The following DMD variants were observed in gnomAD, a reference collection of about 807,000 sequenced individuals.
The protein encoded by DMD is mutant dystrophin.
A neutral mutation model predicts 330.1 loss-of-function variants in DMD; 63 were observed. The observed-to-expected ratio is 0.19, with a 90% CI of 0.16 to 0.24. The LOEUF (loss-of-function observed/expected upper bound fraction) is 0.24, where lower values mean the gene tolerates loss of function less well. Ranked by LOEUF, DMD falls within the 10% of genes least tolerant of loss-of-function variation. The pLI, the probability that DMD is intolerant of heterozygous loss-of-function variation, is 1.00. For synonymous variants in DMD, 1,223 were observed against 959.8 expected (o/e 1.27, Z -5.07); for missense variants, 3,344 against 2,684.1 (o/e 1.25, Z -5.43).
At chrX:31,370,067 C>A (rs1174351072) in intron 60 of DMD, among the ~76,000 whole-genome samples, 2 of 97,524 alleles carry the variant, frequency 2.1e-5, no homozygotes, top group Non-Finnish European at 4.1e-5. Context: ...CCACTGCACT[C>A]CAAGCTGGGC....
At chrX:32,494,768 T>A (rs958162096) in intron 19 of DMD, among the ~76,000 whole-genome samples, 2 of 111,669 alleles carry the variant, frequency 1.8e-5, no homozygotes, top group Non-Finnish European at 3.8e-5. Context: ...ACAGGACATG[T>A]ATAAAAAGTT....
At chrX:32,518,848 C>T (rs1214475110) in intron 17 of DMD, among the ~76,000 whole-genome samples, 1 of 109,867 alleles carries the variant, frequency 9.1e-6, no homozygotes, top group African/African-American at 3.3e-5. Flanking sequence ...CAGTTGATGC[C>T]ACATAGAGAA....
intron 45 of DMD, among the ~76,000 whole-genome samples, chrX:31,934,216 C>G (rs1176425160): frequency 9.0e-6 from 1 of 111,576 alleles, no homozygotes; most frequent in Non-Finnish European, 1.9e-5. Context: ...GAAGATAGAT[C>G]AGCATGTTGC....
At chrX:33,324,012 AT>A (rs1233417251) in intron 1 of DMD, among the ~76,000 whole-genome samples, 1 of 111,424 alleles carries the variant, frequency 9.0e-6, no homozygotes, top group Non-Finnish European at 1.9e-5. Context: ...ACCAATGCAT[AT>A]TTTGATAATT....
At chrX:31,959,286 A>T (rs1157800731) in intron 45 of DMD, among the ~76,000 whole-genome samples, 1 of 111,463 alleles carries the variant, frequency 9.0e-6, no homozygotes, top group East Asian at 2.8e-4. Flanking sequence ...ATTCTTTGAG[A>T]TTTCAAATCT....
At chrX:32,206,603 A>T in intron 44 of DMD, 1 of 664,265 alleles carries the variant, frequency 1.5e-6, no homozygotes. Flanking sequence ...ATTAAAGCAA[A>T]AATGCAAGCA....
At chrX:32,486,626 C>T (rs1257704167) in intron 20 of DMD, among the ~76,000 whole-genome samples, 1 of 109,249 alleles carries the variant, frequency 9.2e-6, no homozygotes, top group African/African-American at 3.3e-5. Flanking sequence ...GTAACCAAAA[C>T]AGCATGGTAC....
chrX:31,875,206 T>A lies in DMD; in HGVS notation c.7080A>T (p.Glu2360Asp). ...TCCCTACCTTAACGTCAAATGGTCC[T>A]TCTTGGTTTGGTTGGTTATAAATTT... The part of the protein sequence containing the change: ...QLEIYNQPNQ[E>D]GPFDVKETEI... The change falls in exon 48 of 79, where the codon GAA becomes GAT. Residue 2360 changes from glutamate (E) to aspartate (D), a missense_variant. By Grantham distance (45) the Glu-to-Asp change is conservative. Transcript: ENST00000357033. 1 of 1,207,890 alleles carries A rather than the reference T, an allele frequency of 8.3e-7. No individual in the cohort carries two copies. The highest frequency in any genetic ancestry group is 3.0e-5 in the East Asian group (1 of 33,759).
intron 64 of DMD, among the ~76,000 whole-genome samples, chrX:31,218,367 G>A (rs2045626588): frequency 9.4e-6 from 1 of 106,011 alleles, no homozygotes; most frequent in African/African-American, 3.3e-5. Context: ...CTGGGATGGG[G>A]CAGGGGCAGG....
intron 29 of DMD, among the ~76,000 whole-genome samples, chrX:32,429,756 T>C (rs1449742148): frequency 9.1e-6 from 1 of 110,116 alleles, no homozygotes; most frequent in Non-Finnish European, 1.9e-5. Context: ...CTCTACCCTC[T>C]TTCTAAATAA....
At chrX:32,875,458 T>C (rs2083302587) in intron 2 of DMD, among the ~76,000 whole-genome samples, 1 of 112,382 alleles carries the variant, frequency 8.9e-6, no homozygotes, top group South Asian at 3.7e-4. Context: ...TTTTCCCTTC[T>C]GTAGGGAGAT....
At chrX:32,350,486 T>C in intron 37 of DMD, among the ~76,000 whole-genome samples, 1 of 111,434 alleles carries the variant, frequency 9.0e-6, no homozygotes, top group South Asian at 3.7e-4. Context: ...AGTCATGCTA[T>C]TTTTGAACAT....
At chrX:32,999,633 G>T (rs572659586) in intron 2 of DMD, among the ~76,000 whole-genome samples, 4 of 110,415 alleles carry the variant, frequency 3.6e-5, no homozygotes, top group African/African-American at 1.3e-4. Flanking sequence ...AAAATTAGCC[G>T]GGTGTGGTGG....
chrX:31,856,600 T>G (rs746079058), intron 48 of DMD, among the ~76,000 whole-genome samples: 1 of 112,447 alleles, frequency 8.9e-6, no homozygotes, highest in African/African-American at 3.2e-5. Context: ...TTGAAGATAC[T>G]AAAGATAATA....
At chrX:31,186,720 G>GA (rs970516924) in intron 67 of DMD, among the ~76,000 whole-genome samples, 1 of 111,434 alleles carries the variant, frequency 9.0e-6, no homozygotes, top group African/African-American at 3.3e-5. Flanking sequence ...GTACTTTGTG[G>GA]AAAAAAAAGT....
intron 45 of DMD, among the ~76,000 whole-genome samples, chrX:31,938,543 C>A (rs890836936): frequency 9.0e-6 from 1 of 111,568 alleles, no homozygotes; most frequent in Non-Finnish European, 1.9e-5. Flanking sequence ...TCTTCACAGG[C>A]ACCTTCAACA....
At chrX:32,923,276 C>A (rs2088620258) in intron 2 of DMD, among the ~76,000 whole-genome samples, 1 of 111,422 alleles carries the variant, frequency 9.0e-6, no homozygotes, top group South Asian at 3.8e-4. Flanking sequence ...TCATCTTTGT[C>A]AGGGTGGGGC....
At chrX:33,079,136 T>C (rs1054602720) in intron 1 of DMD, among the ~76,000 whole-genome samples, 3 of 111,749 alleles carry the variant, frequency 2.7e-5, no homozygotes, top group Non-Finnish European at 3.8e-5. Flanking sequence ...GTTCAAGCGA[T>C]TCTCCTGCCT....
intron 7 of DMD, among the ~76,000 whole-genome samples, chrX:32,724,859 T>C (rs2066698670): frequency 1.8e-5 from 2 of 112,141 alleles, no homozygotes; most frequent in Non-Finnish European, 3.8e-5. Context: ...GTTTATCATA[T>C]GTTAATTATT....
Sources: allele counts gnomAD v4.1 joint callset (sites outside exome capture counted in the v4.1 genomes callset), GRCh38; gene constraint gnomAD v4.1.1; transcripts MANE v1.5; gene names NCBI Gene and HGNC (gene_info 2026-07-23, HGNC 2026-07-21).